Variants in PLEKHG7 observed in about 807,000 individuals in gnomAD.
PLEKHG7 encodes pleckstrin homology domain-containing family G member 7.
Under a neutral mutation model 85.2 loss-of-function variants are expected in PLEKHG7, and 77 were observed. The ratio of observed to expected loss-of-function variants is 0.90; its 90% CI spans 0.75 to 1.09. The LOEUF is 1.09. PLEKHG7 is among the 50% of genes least tolerant of loss of function. The probability of loss-of-function intolerance (pLI) is 0.00; values close to 1 mark genes in which losing one functional copy is unlikely to be tolerated. For synonymous variants in PLEKHG7, 301 were observed against 302.4 expected (o/e 1.00, Z 0.05); for missense variants, 777 against 804.3 (o/e 0.97, Z 0.41).
In PLEKHG7 at chr12:92,704,938, A is replaced by G. The variant is rs1386702633; in HGVS notation, c.-161-1533A>G. Among the ~76,000 whole-genome samples, 4 of 152,312 alleles carry G rather than the reference A, an allele frequency of 2.6e-5. No homozygotes were observed. In the East Asian group the frequency reaches 7.7e-4, roughly 29 times the overall value. ...AAAATAAGAGACCACAAAGTCCCCA[A>G]AATCAATGTCAAGTCACAACATTGT... On this transcript the variant is annotated intron_variant, in intron 1 of 16. Coordinates refer to ENST00000344636, the MANE Select transcript of PLEKHG7 (RefSeq NM_001377329.1).
At chr12:92,703,337 T>TGGAA (rs1267652587) in intron 1 of PLEKHG7, among the ~76,000 whole-genome samples, 1 of 152,228 alleles carries the variant, frequency 6.6e-6, no homozygotes, top group Non-Finnish European at 1.5e-5. Flanking sequence ...TCTCAAAGCT[T>TGGAA]GGAAGGTCAA....
chr12:92,720,555 A>G (rs1871609593), intron 3 of PLEKHG7, among the ~76,000 whole-genome samples: 1 of 151,894 alleles, frequency 6.6e-6, no homozygotes, highest in African/African-American at 2.4e-5. Context: ...CGAACTTCTG[A>G]CTTCAGGTGA....
Position 92,706,718 on chromosome 12 carries a change from G to A in PLEKHG7, c.87G>A (p.Lys29=). The A allele has an allele frequency of 6.2e-7, 1 of 1,614,086 alleles. No individual in the cohort carries two copies. The highest frequency in any genetic ancestry group is 8.5e-7 in the Non-Finnish European group (1 of 1,180,020). Residue 29 remains lysine, a synonymous_variant, in exon 2 of 17, where the codon AAG becomes AAA. Transcript: ENST00000344636. The part of the protein sequence containing the change: ...SPRPSLRSLP[K]NQGSLLQFDR... ...GGCCCTCGCTGAGGAGCCTGCCAAA[G>A]AACCAGGGGAGTCTCCTCCAGTTTG...
chr12:92,750,537 C>G (rs1388029876), intron 10 of PLEKHG7, among the ~76,000 whole-genome samples: 1 of 152,192 alleles, frequency 6.6e-6, no homozygotes, highest in East Asian at 1.9e-4. Flanking sequence ...GCAGCCACAG[C>G]TGTTCCCCAC....
intron 10 of PLEKHG7, among the ~76,000 whole-genome samples, chr12:92,752,794 T>G (rs1872726681): frequency 6.6e-6 from 1 of 152,180 alleles, no homozygotes. Flanking sequence ...TGGCTTATAA[T>G]CAACAGGAGT....
At chr12:92,724,455 T>C (rs1871739708) in intron 3 of PLEKHG7, among the ~76,000 whole-genome samples, 1 of 152,184 alleles carries the variant, frequency 6.6e-6, no homozygotes, top group African/African-American at 2.4e-5. Context: ...CGTAGAATGC[T>C]GAAAGATGGC....
At chr12:92,747,703 G>C in intron 10 of PLEKHG7, among the ~76,000 whole-genome samples, 1 of 152,154 alleles carries the variant, frequency 6.6e-6, no homozygotes, top group East Asian at 1.9e-4. Flanking sequence ...TAACATATCT[G>C]TGCAGTAGAC....
Position 92,706,709 on chromosome 12 carries a change from C to A in PLEKHG7, c.78C>A (p.Ser26Arg). ...CCTCTCCTCGGCCCTCGCTGAGGAG[C>A]CTGCCAAAGAACCAGGGGAGTCTCC... ...CGASPRPSLR[S>R]LPKNQGSLLQ... Residue 26 changes from serine to arginine, a missense_variant, in exon 2 of 17, where the codon AGC (serine) becomes AGA (arginine). Coordinates refer to ENST00000344636, the MANE Select transcript of PLEKHG7 (RefSeq NM_001377329.1). 6.2e-7 allele frequency: 1 copy of A among 1,614,130 alleles called. No homozygotes were observed. Among genetic ancestry groups the A allele is most frequent in the Non-Finnish European group, 8.5e-7 (1 of 1,180,016 alleles).
intron 4 of PLEKHG7, among the ~76,000 whole-genome samples, chr12:92,731,073 A>T (rs528626016): frequency 6.6e-6 from 1 of 152,218 alleles, no homozygotes; most frequent in South Asian, 2.1e-4. Context: ...TTGTGGATTC[A>T]ATAAGGACTC....
chr12:92,751,885 C>G (rs556232486), intron 10 of PLEKHG7, among the ~76,000 whole-genome samples: 2 of 152,056 alleles, frequency 1.3e-5, no homozygotes, highest in South Asian at 4.2e-4. Context: ...GGTGTGGTGG[C>G]CTGCACCTGT....
At chr12:92,721,278 A>T (rs530270757) in intron 3 of PLEKHG7, among the ~76,000 whole-genome samples, 1 of 152,338 alleles carries the variant, frequency 6.6e-6, no homozygotes, top group South Asian at 2.1e-4. Context: ...TGGCACCAGC[A>T]CGTGACAGCT....
At chr12:92,718,376 C>T (rs1394541335) in intron 3 of PLEKHG7, among the ~76,000 whole-genome samples, 6 of 152,284 alleles carry the variant, frequency 3.9e-5, no homozygotes, top group African/African-American at 7.2e-5. Context: ...CTTTTAATTG[C>T]GTCAAAAACT....
intron 13 of PLEKHG7, among the ~76,000 whole-genome samples, chr12:92,757,018 A>G (rs1295724406): frequency 6.6e-6 from 1 of 152,192 alleles, no homozygotes; most frequent in Non-Finnish European, 1.5e-5. Flanking sequence ...GAGGGAGGTC[A>G]TTCAGATAAA....
chr12:92,738,538 T>C (rs1282227829), intron 7 of PLEKHG7, among the ~76,000 whole-genome samples: 1 of 152,238 alleles, frequency 6.6e-6, no homozygotes, highest in Non-Finnish European at 1.5e-5. Flanking sequence ...TTTGGGCTTT[T>C]CAGGCTATAT....
At chr12:92,744,702 G>A (rs1253929978) in intron 9 of PLEKHG7, among the ~76,000 whole-genome samples, 4 of 147,104 alleles carry the variant, frequency 2.7e-5, no homozygotes, top group Admixed American at 1.4e-4. Context: ...GTCTCCCTCT[G>A]TCACTCAGGC....
chr12:92,741,628 T>C, intron 9 of PLEKHG7, 36 bp downstream of exon 9: 1 of 1,511,248 alleles, frequency 6.6e-7, no homozygotes, highest in Non-Finnish European at 9.2e-7. Context: ...CTTCATGTAG[T>C]AAAATCACCC....
rs1162896097 is a variant in PLEKHG7, at chr12:92,721,486, C to T, written c.531-7507C>T. ...TATTCCAGCAGCCATGGGACTAGTC[C>T]CTTCGGATCTGACCAGCTTGGGGCA... On this transcript the variant is annotated intron_variant, in intron 3 of 16. Transcript: ENST00000344636. 2.4e-6 allele frequency: 3 copies of T among 1,230,840 alleles called. No individual in the cohort carries two copies. In the African/African-American group the frequency reaches 4.7e-5, roughly 19 times the overall value. 76.2% of individuals were successfully genotyped at this position (1,230,840 alleles called of 1,614,324 possible). A position where few individuals can be genotyped will look rare whatever the true frequency, so the allele number is the denominator to read the frequency against.
chr12:92,735,260 T>G (rs973098125), intron 5 of PLEKHG7, among the ~76,000 whole-genome samples: 3 of 152,048 alleles, frequency 2.0e-5, no homozygotes, highest in Admixed American at 2.0e-4. Context: ...CAGTAGGAGG[T>G]CTTTAACTGG....
intron 13 of PLEKHG7, 64 bp from the exon 14 acceptor site, chr12:92,761,688 G>A: frequency 1.5e-6 from 2 of 1,374,490 alleles, no homozygotes; most frequent in Non-Finnish European, 1.9e-6. Context: ...GAAAGAAAGG[G>A]AAAGAAAAAC....
Sources: allele counts gnomAD v4.1 joint callset (sites outside exome capture counted in the v4.1 genomes callset), GRCh38; gene constraint gnomAD v4.1.1; transcripts MANE v1.5; gene names NCBI Gene and HGNC (gene_info 2026-07-23, HGNC 2026-07-21).